Variants in ODF2 observed in about 807,000 individuals in gnomAD.
The protein encoded by ODF2 is outer dense fiber of sperm tails 2.
Under a neutral mutation model 110.2 loss-of-function variants are expected in ODF2, and 47 were observed. The ratio of observed to expected loss-of-function variants is 0.43; its 90% CI spans 0.34 to 0.54. The LOEUF (loss-of-function observed/expected upper bound fraction) is 0.54, where lower values mean the gene tolerates loss of function less well. Ranked by LOEUF, ODF2 falls within the 20% of genes least tolerant of loss-of-function variation. The pLI is 0.03. For missense variants in ODF2, 812 were observed against 1,054.5 expected (o/e 0.77, Z 3.19); for synonymous variants, 352 against 397.7 (o/e 0.89, Z 1.37).
In ODF2 at chr9:128,499,055, ATC is replaced by A. The variant is rs1846122345; in HGVS notation, c.2231_2232del (p.Ile744ThrfsTer4). 2.5e-6 allele frequency: 4 copies of A among 1,614,086 alleles called. No individual in the cohort carries two copies. The highest frequency in any genetic ancestry group is 2.7e-5 in the African/African-American group (2 of 74,944). On this transcript the variant is annotated frameshift_variant, in exon 20 of 21. Coordinates refer to ENST00000604420, the Ensembl canonical transcript of ODF2. LOFTEE classifies it high-confidence loss of function. ...CAAGGAGCGAGCAGCCCAGAACAAA[ATC>A]CTGGACCTTGAGACCCAGCTGAGCA...
intron 13 of ODF2, among the ~76,000 whole-genome samples, chr9:128,486,413 G>A (rs909333790): frequency 6.6e-6 from 1 of 152,204 alleles, no homozygotes; most frequent in East Asian, 1.9e-4. Context: ...AGTCTGAACT[G>A]GGTTTTTAAG....
chr9:128,455,920 G>C (rs369734311), upstream of ODF2: 12 of 1,376,652 alleles, frequency 8.7e-6, no homozygotes, highest in African/African-American at 4.5e-5. Flanking sequence ...GGCCTTGAAT[G>C]GGGGGCGAGA....
At chr9:128,456,292 CG>C in intron 1 of ODF2, 37 bp downstream of exon 1, 3 of 1,512,350 alleles carry the variant, frequency 2.0e-6, no homozygotes, top group Non-Finnish European at 2.6e-6. Flanking sequence ...CAGCGCCCTC[CG>C]GGGCACCGCG....
In ODF2 at chr9:128,471,290, C is replaced by T. The variant is rs2044975951; in HGVS notation, c.421-18C>T. 9 of 1,590,476 alleles carry T rather than the reference C, an allele frequency of 5.7e-6. No homozygotes were observed. Among genetic ancestry groups the T allele is most frequent in the Non-Finnish European group, 7.7e-6 (9 of 1,171,558 alleles). ...AGGACCTCCCTTCAGTGGCCCCTGC[C>T]TGGGTCCCCCTGCTCAGGTCAAGAT... On this transcript the variant is annotated intron_variant, in intron 5 of 20. Transcript: ENST00000604420.
chr9:128,460,409 C>T (rs1297254679), intron 3 of ODF2, 141 bp from the exon 3 acceptor site: 22 of 1,453,136 alleles, frequency 1.5e-5, no homozygotes, highest in Non-Finnish European at 1.9e-5. Context: ...TCCCTGCCTG[C>T]ATGCCAGTAG....
rs538041947 is a variant in ODF2, at chr9:128,477,416, G to A, written c.843+3675G>A. On this transcript the variant is annotated intron_variant, in intron 8 of 20. Coordinates refer to ENST00000604420, the Ensembl canonical transcript of ODF2. The stretch of plus-strand genomic sequence containing the variant: ...ATTTTAAATTTAGCCAGGTGTGGTG[G>A]CACACACCTATAGTCCTAGCTACTC... Among the ~76,000 whole-genome samples, 20 of 151,064 alleles carry A rather than the reference G, an allele frequency of 1.3e-4. 1 individual carries two copies. In the East Asian group the frequency reaches 3.2e-3, roughly 24 times the overall value.
intron 4 of ODF2, among the ~76,000 whole-genome samples, chr9:128,463,351 G>T (rs1329020996): frequency 2.6e-5 from 4 of 151,926 alleles, no homozygotes; most frequent in African/African-American, 4.8e-5. Flanking sequence ...GGTTGCCGTG[G>T]CTTATACCTG....
At chr9:128,463,748 AT>A in intron 4 of ODF2, among the ~76,000 whole-genome samples, 1 of 152,250 alleles carries the variant, frequency 6.6e-6, no homozygotes, top group Non-Finnish European at 1.5e-5. Flanking sequence ...CTGGGAGAAT[AT>A]GTTTATATCT....
Position 128,494,429 on chromosome 9 carries a change from ACT to A in ODF2, c.1753-78_1753-77del, listed in dbSNP as rs1845232235. 1 of 1,305,260 alleles carries A rather than the reference ACT, an allele frequency of 7.7e-7. No homozygotes were observed. The allele number at this position is 1,305,260 out of a possible 1,614,324, so 80.9% of individuals were successfully genotyped here. Reference sequence around the variant, plus strand: ...GTCAGCCCTGCCCTAACTCTAAAGGACTCTGCCTGGCTCCACTAGGAGCCAGG... The same window carrying A: ...GTCAGCCCTGCCCTAACTCTAAAGGACTGCCTGGCTCCACTAGGAGCCAGG... On this transcript the variant is annotated intron_variant, in intron 16 of 20. Coordinates refer to ENST00000604420, the Ensembl canonical transcript of ODF2. This position sits in a 1 kb window ranked among gnomAD's most constrained non-coding sequence, Gnocchi z 4.6.
At chr9:128,486,470 T>TA (rs147399039) in intron 13 of ODF2, among the ~76,000 whole-genome samples, 1,855 of 152,298 alleles carry the variant, frequency 0.012, 30 homozygotes, top group African/African-American at 0.043. Flanking sequence ...AGCAAACTGA[T>TA]ATGTTTGCTT....
At chr9:128,476,710 T>C (rs1841355897) in intron 8 of ODF2, among the ~76,000 whole-genome samples, 1 of 149,938 alleles carries the variant, frequency 6.7e-6, no homozygotes, top group East Asian at 2.1e-4. Flanking sequence ...CGATATCGGC[T>C]CACTGCAACT....
chr9:128,468,466 G>A (rs1838862608), intron 4 of ODF2, among the ~76,000 whole-genome samples: 1 of 152,102 alleles, frequency 6.6e-6, no homozygotes, highest in African/African-American at 2.4e-5. Flanking sequence ...CTGGACTCAA[G>A]GAATCCCCTG....
chr9:128,479,625 G>A (rs1411594269), intron 8 of ODF2, among the ~76,000 whole-genome samples: 1 of 147,230 alleles, frequency 6.8e-6, no homozygotes, highest in Non-Finnish European at 1.5e-5. Flanking sequence ...CCTCTTCTTG[G>A]TATCATCCCT....
At position 128,460,670 on chromosome 9, in the gene ODF2, G is replaced by A. The variant is rs370568496; in HGVS notation, c.124-272G>A. The A allele has an allele frequency of 8.2e-5, 132 of 1,613,924 alleles. No individual in the cohort carries two copies. Among genetic ancestry groups the A allele is most frequent in the Non-Finnish European group, 1.1e-4 (131 of 1,180,000 alleles). ...ACCATCAGCGACCAGCAGCCAGGTAGGAGCATGCCAGTGGGGCGAGGTAGT... is the reference window on the plus strand; with the variant it reads ...ACCATCAGCGACCAGCAGCCAGGTAAGAGCATGCCAGTGGGGCGAGGTAGT... On this transcript the variant is annotated intron_variant, in intron 3 of 20. Transcript: ENST00000604420.
intron 4 of ODF2, among the ~76,000 whole-genome samples, chr9:128,468,079 TATA>T (rs1483124375): frequency 2.0e-5 from 3 of 152,174 alleles, no homozygotes; most frequent in African/African-American, 7.2e-5. Context: ...CATGTGCATT[TATA>T]ATATTTTTCT....
At chr9:128,473,477 T>C (rs983090946) in intron 7 of ODF2, 133 bp from the exon 8 acceptor site, 101 of 1,408,252 alleles carry the variant, frequency 7.2e-5, no homozygotes, top group Non-Finnish European at 8.9e-5. Context: ...AACCTGCCCT[T>C]GATCACCTTG....
At chr9:128,482,662 A>T (rs1172680093) in intron 9 of ODF2, among the ~76,000 whole-genome samples, 154 bp from the exon 10 acceptor site, 1 of 152,174 alleles carries the variant, frequency 6.6e-6, no homozygotes, top group Non-Finnish European at 1.5e-5. Flanking sequence ...GTTTTAATGC[A>T]TATGTTAGGT....
intron 2 of ODF2, among the ~76,000 whole-genome samples, chr9:128,458,585 CTT>C (rs1267169998): frequency 1.5e-4 from 21 of 139,182 alleles, no homozygotes; most frequent in Non-Finnish European, 1.6e-4. Context: ...TGCTCTCTCT[CTT>C]TTTTTTTTTT....
chr9:128,456,381 C>T (rs1450059436), intron 1 of ODF2, 126 bp downstream of exon 1: 3 of 1,428,414 alleles, frequency 2.1e-6, no homozygotes, highest in African/African-American at 1.5e-5. Flanking sequence ...CGCCGCGTTG[C>T]GCTCGTCCCC....
Sources: allele counts gnomAD v4.1 joint callset (sites outside exome capture counted in the v4.1 genomes callset), GRCh38; gene constraint gnomAD v4.1.1; non-coding constraint Gnocchi (gnomAD v3.1); transcripts MANE v1.5; gene names NCBI Gene and HGNC (gene_info 2026-07-23, HGNC 2026-07-21).